Variants in TENT4A observed in about 807,000 individuals in gnomAD.
TENT4A encodes the protein DNA polymerase kappa.
Under a neutral mutation model 72.8 loss-of-function variants are expected in TENT4A, and 7 were observed. That is an observed-to-expected ratio of 0.10 (90% CI 0.05 to 0.18). The LOEUF (loss-of-function observed/expected upper bound fraction) is 0.18. Ranked by LOEUF, TENT4A falls within the 10% of genes least tolerant of loss-of-function variation. The probability of loss-of-function intolerance (pLI) is 1.00; values close to 1 mark genes in which losing one functional copy is unlikely to be tolerated. For synonymous variants in TENT4A, 456 were observed against 434.3 expected (o/e 1.05, Z -0.62); for missense variants, 831 against 1,017.7 (o/e 0.82, Z 2.50).
At chr5:6,733,065 G>A (rs1463250016) in intron 1 of TENT4A, among the ~76,000 whole-genome samples, 2 of 152,206 alleles carry the variant, frequency 1.3e-5, no homozygotes, top group African/African-American at 4.8e-5. Flanking sequence ...CCCCACCTCA[G>A]TTTGTCCGTT....
In TENT4A at chr5:6,750,441, C is replaced by T. The variant is rs202101080; in HGVS notation, c.1798C>T (p.Pro600Ser). 12 of 1,611,930 alleles carry T rather than the reference C, an allele frequency of 7.4e-6. No homozygotes were observed. Among genetic ancestry groups the T allele is most frequent in the Non-Finnish European group, 1.0e-5 (12 of 1,179,030 alleles). ...GCGCTTGACTTTGTCGCTGTCCAGC[C>T]CCCAGCTCCTGTCTTCAGGCTCCTC... is the stretch of plus-strand genomic sequence containing the variant. ...GQRLTLSLSS[P>S]QLLSSGSSAS... is the part of the protein sequence containing the mutation. Residue 600 changes from proline (P) to serine (S), a missense_variant, in exon 10 of 13, where the codon CCC becomes TCC. Pro to Ser is a moderately conservative substitution (Grantham distance 74, BLOSUM62 -1). Around this residue, in one of 3 missense-constraint regions of TENT4A, gnomAD observed 332 missense variants for 324.3 expected, o/e 1.02. Transcript: ENST00000230859.
chr5:6,734,498 C>T (rs1741368535), intron 1 of TENT4A, among the ~76,000 whole-genome samples: 2 of 152,260 alleles, frequency 1.3e-5, no homozygotes, highest in Admixed American at 6.5e-5. Context: ...TGAAGAAGGG[C>T]CAGTGGGGCA....
At chr5:6,724,437 T>C (rs1383002578) in intron 1 of TENT4A, among the ~76,000 whole-genome samples, 1 of 152,202 alleles carries the variant, frequency 6.6e-6, no homozygotes, top group Non-Finnish European at 1.5e-5. Context: ...AAAGGAATTC[T>C]AAAGTGTCAT....
rs532924437 is a variant in TENT4A at position 6,737,386 on chromosome 5, G to A, written c.717-124G>A. The A allele has an allele frequency of 1.1e-5, 9 of 827,652 alleles. No homozygotes were observed. In the African/African-American group the frequency reaches 1.2e-4, roughly 11 times the overall value. The allele number at this position is 827,652 out of a possible 1,614,324, so 51.3% of individuals were successfully genotyped here. ...AGAGTTTTCATTTTATACTTTCAGA[G>A]GAGAAATGAAACTGAATTTCGTGGC... On this transcript the variant is annotated intron_variant, in intron 1 of 12. Transcript: ENST00000230859.
chr5:6,729,549 C>T (rs1186379966), intron 1 of TENT4A, among the ~76,000 whole-genome samples: 1 of 152,246 alleles, frequency 6.6e-6, no homozygotes, highest in Non-Finnish European at 1.5e-5. Flanking sequence ...TCACAGCAGG[C>T]GCGGTTCCCT....
chr5:6,714,746 C>T (rs1186472607), intron 1 of TENT4A, 47 bp downstream of exon 1: 1 of 1,107,024 alleles, frequency 9.0e-7, no homozygotes, highest in African/African-American at 1.6e-5. Flanking sequence ...GCCCATGGTC[C>T]TGGCCGGCGC....
At position 6,713,952 on chromosome 5, in the gene TENT4A, G is replaced by C; in HGVS notation, c.-32G>C. 1 of 915,440 alleles carries C rather than the reference G, an allele frequency of 1.1e-6. No individual in the cohort carries two copies. The highest frequency in any genetic ancestry group is 1.3e-6 in the Non-Finnish European group (1 of 769,406). The allele number at this position is 915,440 out of a possible 1,614,324, so 56.7% of individuals were successfully genotyped here. On this transcript the variant is annotated 5_prime_UTR_variant, in exon 1 of 13. Transcript: ENST00000230859. The stretch of plus-strand genomic sequence containing the variant: ...GGGGCGGGGCCGCGTCGGGGCGGGC[G>C]GGCGCGCGGGCCCCGCGGGGGCGGC...
At chr5:6,715,103 C>G (rs1454606395) in intron 1 of TENT4A, 2 of 154,726 alleles carry the variant, frequency 1.3e-5, no homozygotes. Context: ...TTGCCAGGAA[C>G]TCGAATCACG....
At chr5:6,747,440 A>C (rs1393592334) in intron 7 of TENT4A, among the ~76,000 whole-genome samples, 1 of 152,058 alleles carries the variant, frequency 6.6e-6, no homozygotes, top group Non-Finnish European at 1.5e-5. Context: ...AACACCTCAG[A>C]TTTAATGGTT....
In TENT4A at chr5:6,756,350, C is replaced by T. The variant is rs1388452993; in HGVS notation, c.*1405C>T. Reference sequence around the variant, plus strand: ...GCCATCTGACTTCCTGTTTTTAAAACGGGGGTCTGGTCTTGCTAAACACTA... The same window carrying T: ...GCCATCTGACTTCCTGTTTTTAAAATGGGGGTCTGGTCTTGCTAAACACTA... On this transcript the variant is annotated 3_prime_UTR_variant, in exon 13 of 13. Coordinates refer to ENST00000230859, the MANE Select transcript of TENT4A (RefSeq NM_006999.6). The T allele has an allele frequency of 3.3e-5, 5 of 152,486 alleles. No homozygotes were observed. The highest frequency in any genetic ancestry group is 6.6e-5 in the Admixed American group (1 of 15,266). 9.4% of individuals were successfully genotyped at this position (152,486 alleles called of 1,614,324 possible).
intron 1 of TENT4A, among the ~76,000 whole-genome samples, chr5:6,728,767 T>C (rs977863521): frequency 6.6e-6 from 1 of 152,242 alleles, no homozygotes; most frequent in Non-Finnish European, 1.5e-5. Flanking sequence ...TGATGTCTGC[T>C]CTTTGACCCT....
At chr5:6,725,723 C>T (rs2126608010) in intron 1 of TENT4A, among the ~76,000 whole-genome samples, 1 of 152,274 alleles carries the variant, frequency 6.6e-6, no homozygotes, top group South Asian at 2.1e-4. Context: ...CACTCAGTCC[C>T]ACCACCCAGA....
At chr5:6,744,950 A>C (rs1419448712) in intron 6 of TENT4A, among the ~76,000 whole-genome samples, 1 of 152,008 alleles carries the variant, frequency 6.6e-6, no homozygotes, top group Non-Finnish European at 1.5e-5. Flanking sequence ...GGCCTCCTCC[A>C]CCCCCTCAGG....
chr5:6,721,908 G>A (rs944663222), intron 1 of TENT4A, among the ~76,000 whole-genome samples: 1 of 152,180 alleles, frequency 6.6e-6, no homozygotes, highest in African/African-American at 2.4e-5. Context: ...GGTGATTTCT[G>A]TCTTTCCGTT....
In TENT4A at chr5:6,752,876, A is replaced by T. The variant is rs767788596; in HGVS notation, c.2023A>T (p.Arg675Trp). 1 of 1,612,184 alleles carries T rather than the reference A, an allele frequency of 6.2e-7. No individual in the cohort carries two copies. The highest frequency in any genetic ancestry group is 1.1e-5 in the South Asian group (1 of 91,032). Reference sequence around the variant, plus strand: ...CCGTCTCTCATTTTGTTCCTAGACCAGGTTTACTATACCTCCACCGACCCT... The same window carrying T: ...CCGTCTCTCATTTTGTTCCTAGACCTGGTTTACTATACCTCCACCGACCCT... The part of the protein sequence containing the change: ...TLIMTTNNQT[R>W]FTIPPPTLGV... The change falls in exon 12 of 13, where the codon AGG becomes TGG. Residue 675 changes from arginine (R) to tryptophan (W), a missense_variant. Arg to Trp is a moderately radical substitution (Grantham distance 101). Around this residue, in one of 3 missense-constraint regions of TENT4A, gnomAD observed 332 missense variants for 324.3 expected, o/e 1.02. Coordinates refer to ENST00000230859, the MANE Select transcript of TENT4A (RefSeq NM_006999.6).
intron 7 of TENT4A, 44 bp downstream of exon 7, chr5:6,746,471 C>G (rs767245905): frequency 6.3e-7 from 1 of 1,580,768 alleles, no homozygotes; most frequent in African/African-American, 1.3e-5. Flanking sequence ...GGGCCAGCCT[C>G]GGGGACGTGC....
At chr5:6,741,626 G>T (rs1206999504) in intron 4 of TENT4A, among the ~76,000 whole-genome samples, 1 of 152,216 alleles carries the variant, frequency 6.6e-6, no homozygotes, top group Non-Finnish European at 1.5e-5. Context: ...CCTGGTGGTC[G>T]CAGTGGTGTC....
At chr5:6,724,301 A>G (rs1348182718) in intron 1 of TENT4A, among the ~76,000 whole-genome samples, 2 of 152,196 alleles carry the variant, frequency 1.3e-5, no homozygotes, top group Admixed American at 6.5e-5. Flanking sequence ...GCAACACAGT[A>G]AAGTGTATTT....
chr5:6,715,613 T>C lies in TENT4A; in HGVS notation c.716+914T>C, dbSNP rs1010621034. 4.6e-5 allele frequency among the ~76,000 whole-genome samples: 7 copies of C among 152,206 alleles called. 1 individual carries two copies. Among genetic ancestry groups the C allele is most frequent in the African/African-American group, 1.4e-4 (6 of 41,448 alleles). Reference sequence around the variant, plus strand: ...CCCAATTTAAAAAACAATTAAGGATTTGCTGGGGTATGAGGGTTGTTGCAT... The same window carrying C: ...CCCAATTTAAAAAACAATTAAGGATCTGCTGGGGTATGAGGGTTGTTGCAT... On this transcript the variant is annotated intron_variant, in intron 1 of 12. Coordinates refer to ENST00000230859, the MANE Select transcript of TENT4A (RefSeq NM_006999.6).
Sources: gnomAD v4.1 joint callset for allele counts (sites outside exome capture counted in the v4.1 genomes callset) on GRCh38, gnomAD v4.1.1 for gene constraint, gnomAD v4.1.1 regional missense constraint, MANE v1.5 for transcripts, NCBI Gene and HGNC (gene_info 2026-07-23, HGNC 2026-07-21) for gene names.